EPHA4: variants seen among roughly 807,000 people sequenced by gnomAD.
The protein encoded by EPHA4 is EPH receptor A4, also known as ephrin type-A receptor 4.
In EPHA4, 19 loss-of-function variants were observed where a neutral mutation model predicts 108.3. The observed-to-expected ratio is 0.18, with a 90% CI of 0.12 to 0.26. EPHA4 has a LOEUF of 0.26. Among genes scored for constraint, EPHA4 ranks in the 10% least tolerant of loss-of-function variants. EPHA4 has a pLI of 1.00. For synonymous variants in EPHA4, 449 were observed against 455.5 expected, an observed-to-expected ratio of 0.99 and a Z score of 0.18; for missense variants, 917 against 1,254.0, an observed-to-expected ratio of 0.73 and a Z score of 4.06.
chr2:221,522,023 C>T (rs1326994377), intron 3 of EPHA4, among the ~76,000 whole-genome samples: 1 of 151,970 alleles, frequency 6.6e-6, no homozygotes. Context: ...ACAAAAAACC[C>T]AAAATAGGCC....
At chr2:221,443,900 C>T (rs1378072460) in intron 9 of EPHA4, among the ~76,000 whole-genome samples, 1 of 152,162 alleles carries the variant, frequency 6.6e-6, no homozygotes, top group Non-Finnish European at 1.5e-5. Context: ...TAGCTAAATA[C>T]TATTGTCCCA....
At position 221,443,475 on chromosome 2, in the gene EPHA4, G is replaced by A. The variant is rs1440536178; in HGVS notation, c.1888+18C>T. 1.0e-5 allele frequency: 16 copies of A among 1,560,790 alleles called. No individual in the cohort carries two copies. The highest frequency in any genetic ancestry group is 1.0e-4 in the Admixed American group (6 of 59,398). The stretch of plus-strand genomic sequence containing the variant: ...CAAGAAAACAGACTCATTAGCAGAC[G>A]GACACTCAGACACTTACCAACTCCT... On this transcript the variant is annotated intron_variant, in intron 10 of 17. Transcript: ENST00000281821.
chr2:221,559,498 A>C (rs978281153), intron 3 of EPHA4, among the ~76,000 whole-genome samples: 37 of 152,292 alleles, frequency 2.4e-4, no homozygotes, highest in African/African-American at 8.2e-4. Flanking sequence ...ACTTGAGGCC[A>C]GGAGTTCAAG....
chr2:221,476,408 A>G (rs1691654834), intron 5 of EPHA4, among the ~76,000 whole-genome samples: 1 of 152,138 alleles, frequency 6.6e-6, no homozygotes, highest in African/African-American at 2.4e-5. Flanking sequence ...TTCTGTTTTT[A>G]GGGATGATTA....
intron 3 of EPHA4, among the ~76,000 whole-genome samples, chr2:221,553,292 GGAA>G (rs1299356062): frequency 3.3e-5 from 5 of 152,182 alleles, no homozygotes; most frequent in African/African-American, 1.2e-4. Flanking sequence ...GGTTATTAAA[GGAA>G]GAAGTCACAT....
chr2:221,515,158 C>A (rs369584332), intron 3 of EPHA4, among the ~76,000 whole-genome samples: 1 of 152,126 alleles, frequency 6.6e-6, no homozygotes, highest in Non-Finnish European at 1.5e-5. Context: ...TACAATGGCA[C>A]GATCTTGGCT....
At chr2:221,572,305 A>G (rs1174265837), upstream of EPHA4, 2 of 1,479,734 alleles carry the variant, frequency 1.4e-6, no homozygotes, top group African/African-American at 1.4e-5. Flanking sequence ...ATAAATGCTT[A>G]AGTTAGGAGA....
At chr2:221,449,833 G>C (rs1442052899) in intron 8 of EPHA4, among the ~76,000 whole-genome samples, 1 of 152,196 alleles carries the variant, frequency 6.6e-6, no homozygotes, top group Admixed American at 6.5e-5. Flanking sequence ...TAAAAGGTAA[G>C]TAATTTATTC....
intron 3 of EPHA4, among the ~76,000 whole-genome samples, chr2:221,511,674 A>T (rs1457754966): frequency 6.6e-6 from 1 of 152,356 alleles, no homozygotes; most frequent in East Asian, 1.9e-4. Context: ...GAAGTTGCTA[A>T]TAGGAATTTT....
At chr2:221,568,096 C>T (rs1015076660) in intron 2 of EPHA4, among the ~76,000 whole-genome samples, 3 of 152,158 alleles carry the variant, frequency 2.0e-5, no homozygotes, top group Non-Finnish European at 4.4e-5. Context: ...ACCTTATAAT[C>T]CAGACTACTC....
At chr2:221,573,188 G>A (rs966572423), upstream of EPHA4, 1 of 152,370 alleles carries the variant, frequency 6.6e-6, no homozygotes, top group Non-Finnish European at 1.5e-5. The surrounding 1 kb of genome is among the most constrained non-coding windows in gnomAD (Gnocchi z 4.5). Context: ...GAAGTGAAAG[G>A]CTTAAGTGTG....
chr2:221,566,962 AGGAAG>A (rs1694680055), intron 2 of EPHA4, among the ~76,000 whole-genome samples: 1 of 79,774 alleles, frequency 1.3e-5, no homozygotes, highest in Non-Finnish European at 2.7e-5. Flanking sequence ...GAAGGGGAAG[AGGAAG>A]AGGAAGAAGA....
chr2:221,543,428 C>A (rs990553315), intron 3 of EPHA4, among the ~76,000 whole-genome samples: 1 of 152,094 alleles, frequency 6.6e-6, no homozygotes, highest in Non-Finnish European at 1.5e-5. Context: ...ATAAGTGTGG[C>A]TCTCATTATG....
chr2:221,494,479 G>A (rs982898964), intron 4 of EPHA4, among the ~76,000 whole-genome samples: 1 of 152,102 alleles, frequency 6.6e-6, no homozygotes, highest in Admixed American at 6.5e-5. Flanking sequence ...GGTGGTGCAT[G>A]TCTGTAAATC....
chr2:221,554,033 A>G (rs763085031), intron 3 of EPHA4, among the ~76,000 whole-genome samples: 57 of 152,208 alleles, frequency 3.7e-4, no homozygotes, highest in Non-Finnish European at 7.2e-4. Flanking sequence ...GAGATCTGTA[A>G]CTTATTAAGA....
In EPHA4 at chr2:221,525,433, T is replaced by G. The variant is rs189434514; in HGVS notation, c.824-24261A>C. 5.3e-5 allele frequency among the ~76,000 whole-genome samples: 8 copies of G among 152,168 alleles called. No homozygotes were observed. The East Asian group carries it at 7.8e-4, about 15-fold the overall frequency. Reference sequence around the variant, plus strand: ...AAAAGATGAGGGAAAGAGAGAGAGATATGTCCTTGATTCCGTGCCATTAGT... The same window carrying G: ...AAAAGATGAGGGAAAGAGAGAGAGAGATGTCCTTGATTCCGTGCCATTAGT... On this transcript the variant is annotated intron_variant, in intron 3 of 17. Transcript: ENST00000281821.
chr2:221,448,235 G>T (rs2106110664), intron 8 of EPHA4, among the ~76,000 whole-genome samples: 1 of 141,996 alleles, frequency 7.0e-6, no homozygotes, highest in East Asian at 2.4e-4. Flanking sequence ...AGGACATGGA[G>T]CTGGGGTGGG....
chr2:221,525,520 G>A (rs146976312), intron 3 of EPHA4, among the ~76,000 whole-genome samples: 3 of 152,272 alleles, frequency 2.0e-5, no homozygotes, highest in Non-Finnish European at 2.9e-5. Flanking sequence ...GAGGACGAAC[G>A]ACTCAGTGGT....
intron 14 of EPHA4, among the ~76,000 whole-genome samples, chr2:221,430,382 C>T (rs1199468135): frequency 6.6e-6 from 1 of 152,164 alleles, no homozygotes; most frequent in East Asian, 1.9e-4. Context: ...CATCAATGTT[C>T]TCAAGTGGCT....
Sources: gnomAD v4.1 joint callset for allele counts (sites outside exome capture counted in the v4.1 genomes callset) on GRCh38, gnomAD v4.1.1 for gene constraint, Gnocchi (gnomAD v3.1) non-coding constraint, MANE v1.5 for transcripts, NCBI Gene and HGNC (gene_info 2026-07-23, HGNC 2026-07-21) for gene names.